The following LRMDA variants were observed in gnomAD, a reference collection of about 807,000 sequenced individuals.
The protein encoded by LRMDA is leucine rich melanocyte differentiation associated, also known as leucine-rich melanocyte differentiation-associated protein.
In LRMDA, 18 loss-of-function variants were observed where a neutral mutation model predicts 29.8. The observed-to-expected ratio is 0.60, with a 90% confidence interval of 0.42 to 0.90. The LOEUF (loss-of-function observed/expected upper bound fraction) is 0.90, where lower values mean the gene tolerates loss of function less well. LRMDA is among the 40% of genes least tolerant of loss of function. LRMDA has a pLI of 0.00. For missense variants in LRMDA, 273 were observed against 273.9 expected (o/e 1.00, Z 0.02); for synonymous variants, 125 against 109.4 (o/e 1.14, Z -0.89).
intron 6 of LRMDA, among the ~76,000 whole-genome samples, chr10:76,365,894 C>T (rs1841386653): frequency 6.6e-6 from 1 of 152,160 alleles, no homozygotes; most frequent in Non-Finnish European, 1.5e-5. Context: ...AGGTTTAAGT[C>T]CTTAATCCAT....
chr10:75,597,882 A>G (rs1442018658), intron 2 of LRMDA, among the ~76,000 whole-genome samples: 2 of 152,068 alleles, frequency 1.3e-5, no homozygotes, highest in Non-Finnish European at 2.9e-5. Flanking sequence ...ATTTGTACAA[A>G]TCAGTTGTCA....
chr10:75,854,523 TAATC>T (rs1011979639), intron 2 of LRMDA, among the ~76,000 whole-genome samples: 1 of 152,212 alleles, frequency 6.6e-6, no homozygotes, highest in African/African-American at 2.4e-5. Flanking sequence ...CATATTGAAA[TAATC>T]AAGGCTTTGG....
chr10:76,167,645 C>T (rs536802847), intron 5 of LRMDA, among the ~76,000 whole-genome samples: 3 of 152,168 alleles, frequency 2.0e-5, no homozygotes, highest in Non-Finnish European at 2.9e-5. Context: ...AGGCTGTTTT[C>T]ATTACTGTAG....
At chr10:75,730,286 GC>G (rs764557686) in intron 2 of LRMDA, among the ~76,000 whole-genome samples, 19 of 152,090 alleles carry the variant, frequency 1.2e-4, no homozygotes, top group Non-Finnish European at 2.2e-4. Context: ...GCTCTATAGA[GC>G]ACTGACTTTT....
rs1282102408 is a variant in LRMDA, at chr10:76,198,709, A to G, written c.517-125692A>G. ...AGTCACAGACTTGGAGGAATGAACT[A>G]TCCAGTTGTGAGCTGGTTTCTCCAG... On this transcript the variant is annotated intron_variant, in intron 5 of 6. Transcript: ENST00000611255. Among the ~76,000 whole-genome samples, 11 of 152,348 alleles carry G rather than the reference A, an allele frequency of 7.2e-5. No homozygotes were observed. The East Asian group carries it at 2.1e-3, about 29-fold the overall frequency.
At chr10:76,273,431 C>A (rs1170879538) in intron 5 of LRMDA, among the ~76,000 whole-genome samples, 3 of 152,106 alleles carry the variant, frequency 2.0e-5, no homozygotes, top group Non-Finnish European at 4.4e-5. Flanking sequence ...TCATTGTAAC[C>A]ATTAGACACC....
chr10:76,047,327 T>C (rs2132041386), intron 4 of LRMDA, 24 bp downstream of exon 4: 2 of 1,583,512 alleles, frequency 1.3e-6, no homozygotes, highest in Non-Finnish European at 8.6e-7. Flanking sequence ...GGTTGGACCA[T>C]GGTGGGAAAA....
rs974737790 is a variant in LRMDA at position 75,582,822 on chromosome 10, G to A, written c.131+144328G>A. 5.3e-5 allele frequency among the ~76,000 whole-genome samples: 8 copies of A among 151,962 alleles called. No homozygotes were observed. In the East Asian group the frequency reaches 5.8e-4, roughly 11 times the overall value. Reference sequence around the variant, plus strand: ...CCTAGTTTACATCATTTATTTGCTCGTGCATATAAGCATAGGTTGTTAGAA... The same window carrying A: ...CCTAGTTTACATCATTTATTTGCTCATGCATATAAGCATAGGTTGTTAGAA... On this transcript the variant is annotated intron_variant, in intron 2 of 6. Coordinates refer to ENST00000611255, the MANE Select transcript of LRMDA (RefSeq NM_001305581.2).
intron 2 of LRMDA, among the ~76,000 whole-genome samples, chr10:75,693,838 T>G (rs796450056): frequency 2.6e-5 from 4 of 152,288 alleles, no homozygotes; most frequent in African/African-American, 9.6e-5. Context: ...AGCAGGATGG[T>G]ACAATTTATT....
intron 2 of LRMDA, among the ~76,000 whole-genome samples, chr10:75,842,731 A>T (rs1388840919): frequency 6.6e-6 from 1 of 152,152 alleles, no homozygotes; most frequent in Non-Finnish European, 1.5e-5. Context: ...GTCATGGCCC[A>T]AAGAGGTGGA....
chr10:75,598,588 C>T (rs1369281810), intron 2 of LRMDA, among the ~76,000 whole-genome samples: 2 of 151,820 alleles, frequency 1.3e-5, no homozygotes, highest in East Asian at 3.9e-4. Flanking sequence ...CCAAAACAAT[C>T]TGGTGAATTT....
At chr10:75,649,374 C>T (rs570007410) in intron 2 of LRMDA, among the ~76,000 whole-genome samples, 4 of 152,284 alleles carry the variant, frequency 2.6e-5, no homozygotes, top group East Asian at 1.9e-4. Flanking sequence ...GGGTTACTTC[C>T]ACCTTTTGGC....
At chr10:75,536,461 T>C (rs1265041478) in intron 2 of LRMDA, among the ~76,000 whole-genome samples, 1 of 152,186 alleles carries the variant, frequency 6.6e-6, no homozygotes, top group African/African-American at 2.4e-5. Context: ...CACATGACTC[T>C]ACTGAGGTAT....
intron 2 of LRMDA, among the ~76,000 whole-genome samples, chr10:75,488,710 C>T (rs1844946591): frequency 1.3e-5 from 2 of 152,064 alleles, no homozygotes; most frequent in Admixed American, 1.3e-4. Flanking sequence ...ATATGCTGCT[C>T]TTCAAAGGTC....
At chr10:76,198,790 T>G (rs569062105) in intron 5 of LRMDA, among the ~76,000 whole-genome samples, 1 of 152,308 alleles carries the variant, frequency 6.6e-6, no homozygotes, top group East Asian at 1.9e-4. Flanking sequence ...TTCCTTTTAT[T>G]GTAGAGTGTA....
At chr10:76,238,902 A>G (rs193023352) in intron 5 of LRMDA, among the ~76,000 whole-genome samples, 2 of 152,278 alleles carry the variant, frequency 1.3e-5, no homozygotes, top group Admixed American at 1.3e-4. Flanking sequence ...TGCCACAGTC[A>G]TAAACACAGA....
chr10:75,549,227 G>C (rs1457961591), intron 2 of LRMDA, among the ~76,000 whole-genome samples: 1 of 152,072 alleles, frequency 6.6e-6, no homozygotes, highest in East Asian at 1.9e-4. Flanking sequence ...TTTGATGGCT[G>C]TTTGGATTGT....
intron 2 of LRMDA, among the ~76,000 whole-genome samples, chr10:75,713,906 A>G (rs1201184101): frequency 6.6e-6 from 1 of 151,976 alleles, no homozygotes; most frequent in African/African-American, 2.4e-5. Flanking sequence ...GAGTCCCTGA[A>G]TTGTTTTGCT....
At chr10:75,560,862 C>G (rs1281574846) in intron 2 of LRMDA, among the ~76,000 whole-genome samples, 4 of 152,250 alleles carry the variant, frequency 2.6e-5, no homozygotes, top group East Asian at 1.9e-4. Flanking sequence ...ATTGAACCAG[C>G]CTTGCATCCC....
Sources: gnomAD v4.1 joint callset for allele counts (sites outside exome capture counted in the v4.1 genomes callset) on GRCh38, gnomAD v4.1.1 for gene constraint, MANE v1.5 for transcripts, NCBI Gene and HGNC (gene_info 2026-07-23, HGNC 2026-07-21) for gene names.